GALNT13: variants seen among roughly 807,000 people sequenced by gnomAD.
GALNT13 encodes the protein polypeptide N-acetylgalactosaminyltransferase 13.
A neutral mutation model predicts 64.2 loss-of-function variants in GALNT13; 28 were observed. The observed-to-expected ratio is 0.44, with a 90% CI of 0.32 to 0.60. GALNT13 has a LOEUF of 0.60. Ranked by LOEUF, GALNT13 falls within the 20% of genes least tolerant of loss-of-function variation. The pLI, the probability that GALNT13 is intolerant of heterozygous loss-of-function variation, is 0.05. For synonymous variants in GALNT13, 214 were observed against 224.6 expected, an observed-to-expected ratio of 0.95 and a Z score of 0.42; for missense variants, 577 against 669.8, an observed-to-expected ratio of 0.86 and a Z score of 1.53.
the GALNT13 span, among the ~76,000 whole-genome samples, chr2:153,345,671 CTT>C: frequency 1.6e-4 from 23 of 140,240 alleles, no homozygotes; most frequent in African/African-American, 4.0e-4. Flanking sequence ...TTCTTTCTTT[CTT>C]TCTTTCTTTC....
the GALNT13 span, among the ~76,000 whole-genome samples, chr2:153,788,582 A>G: frequency 6.6e-6 from 1 of 152,194 alleles, no homozygotes; most frequent in Non-Finnish European, 1.5e-5. Context: ...CAATGACAGG[A>G]TCAAATCCAC....
the GALNT13 span, among the ~76,000 whole-genome samples, chr2:153,218,091 T>C: frequency 1.3e-5 from 2 of 152,178 alleles, no homozygotes; most frequent in African/African-American, 4.8e-5. Flanking sequence ...ATTTTGTGTT[T>C]AGGATGGGAG....
intron 4 of GALNT13, among the ~76,000 whole-genome samples, chr2:154,211,753 A>G (rs902044089): frequency 6.6e-6 from 1 of 152,112 alleles, no homozygotes. Flanking sequence ...TGATGGAAAC[A>G]TCGTTATGCA....
At chr2:153,598,356 T>A in the GALNT13 span, among the ~76,000 whole-genome samples, 2 of 151,944 alleles carry the variant, frequency 1.3e-5, no homozygotes, top group Admixed American at 1.3e-4. Flanking sequence ...CATTTCCCCT[T>A]CTTCAAAAAG....
the GALNT13 span, among the ~76,000 whole-genome samples, chr2:153,551,643 CTT>C: frequency 6.6e-6 from 1 of 152,106 alleles, no homozygotes; most frequent in Non-Finnish European, 1.5e-5. Context: ...TAAATAATAA[CTT>C]TAAATTTTGT....
the GALNT13 span, among the ~76,000 whole-genome samples, chr2:153,350,854 C>T: frequency 2.6e-5 from 4 of 152,128 alleles, no homozygotes; most frequent in Non-Finnish European, 5.9e-5. Context: ...TCATATAGCT[C>T]ACTTTTTAAG....
At chr2:154,274,626 G>A (rs535785183) in intron 8 of GALNT13, among the ~76,000 whole-genome samples, 72 of 152,138 alleles carry the variant, frequency 4.7e-4, no homozygotes, top group African/African-American at 1.3e-3. Context: ...CCCTTCCACC[G>A]TGATTATAAG....
intron 4 of GALNT13, among the ~76,000 whole-genome samples, chr2:154,233,383 T>C (rs762248276): frequency 1.4e-4 from 22 of 152,178 alleles, no homozygotes; most frequent in Non-Finnish European, 2.6e-4. Context: ...GTTTGTCTAG[T>C]TAGGCAATAT....
At chr2:154,152,732 A>G (rs1403775431) in intron 4 of GALNT13, among the ~76,000 whole-genome samples, 1 of 152,104 alleles carries the variant, frequency 6.6e-6, no homozygotes, top group East Asian at 1.9e-4. Flanking sequence ...TCGGCTCCTG[A>G]CACTTCTGCA....
intron 9 of GALNT13, among the ~76,000 whole-genome samples, chr2:154,390,948 C>T (rs1480577884): frequency 6.6e-6 from 1 of 152,138 alleles, no homozygotes; most frequent in Non-Finnish European, 1.5e-5. Flanking sequence ...TTGTTTTGTT[C>T]ACAGATATAT....
chr2:153,629,652 C>G, the GALNT13 span, among the ~76,000 whole-genome samples: 1 of 152,006 alleles, frequency 6.6e-6, no homozygotes, highest in Non-Finnish European at 1.5e-5. Context: ...CAAATGGGAT[C>G]TAATTAAACT....
At chr2:154,188,320 T>G (rs1686376156) in intron 4 of GALNT13, among the ~76,000 whole-genome samples, 1 of 151,858 alleles carries the variant, frequency 6.6e-6, no homozygotes, top group Non-Finnish European at 1.5e-5. Context: ...TAAAGAGGGG[T>G]TATTGTAGCT....
chr2:153,301,320 A>AAAAAAAAAAAAAAAAAAAAAAAAAAAAG, the GALNT13 span, among the ~76,000 whole-genome samples: 11 of 126,564 alleles, frequency 8.7e-5, no homozygotes, highest in Non-Finnish European at 1.5e-4. Context: ...AAAAAAAAAG[A>AAAAAAAAAAAAAAAAAAAAAAAAAAAAG]AAAAAAAAAA....
At chr2:153,095,782 C>G in the GALNT13 span, among the ~76,000 whole-genome samples, 1 of 151,752 alleles carries the variant, frequency 6.6e-6, no homozygotes, top group Non-Finnish European at 1.5e-5. Flanking sequence ...CAAACTATCA[C>G]AAGGACAGAA....
chr2:153,454,965 T>C, the GALNT13 span, among the ~76,000 whole-genome samples: 1 of 152,222 alleles, frequency 6.6e-6, no homozygotes, highest in Non-Finnish European at 1.5e-5. Context: ...AGGAGGTGTG[T>C]AGTATGGTTG....
At chr2:153,365,771 T>A in the GALNT13 span, among the ~76,000 whole-genome samples, 1 of 152,026 alleles carries the variant, frequency 6.6e-6, no homozygotes, top group Admixed American at 6.6e-5. Context: ...TGTGGAGAAA[T>A]AGGAACACTT....
the GALNT13 span, among the ~76,000 whole-genome samples, chr2:153,627,020 AT>A: frequency 9.9e-4 from 151 of 152,132 alleles, 1 homozygote; most frequent in Non-Finnish European, 3.1e-4. Context: ...TGGGAAAATT[AT>A]TTTCAGTTTC....
chr2:154,302,402 C>T (rs1693493832), intron 9 of GALNT13, among the ~76,000 whole-genome samples: 1 of 152,130 alleles, frequency 6.6e-6, no homozygotes, highest in Non-Finnish European at 1.5e-5. Context: ...TATTATGTAA[C>T]CCATCAGGAC....
rs560536907 is a variant in GALNT13 at position 154,151,574 on chromosome 2, C to T, written c.311+11069C>T. Among the ~76,000 whole-genome samples, 371 of 152,198 alleles carry T rather than the reference C, an allele frequency of 2.4e-3. 4 individuals are homozygous for T. Among genetic ancestry groups the T allele is most frequent in the African/African-American group, 7.9e-3 (329 of 41,550 alleles). On this transcript the variant is annotated intron_variant, in intron 4 of 12. Transcript: ENST00000392825. ...TATTGTGTGGGAGTCTAAGTCTCTT[C>T]GTAAGTCACTCAGGACTTGCTTTAT... is the stretch of plus-strand genomic sequence containing the variant.
Sources: allele counts gnomAD v4.1 joint callset (sites outside exome capture counted in the v4.1 genomes callset), GRCh38; gene constraint gnomAD v4.1.1; transcripts MANE v1.5; gene names NCBI Gene and HGNC (gene_info 2026-07-23, HGNC 2026-07-21).